TVP23A: variants seen among roughly 807,000 people sequenced by gnomAD.
The protein encoded by TVP23A is Golgi apparatus membrane protein TVP23 homolog A.
TVP23A carries 21 observed loss-of-function variants against 31.7 expected under a neutral mutation model. The observed-to-expected ratio is 0.66, with a 90% CI of 0.47 to 0.95. The LOEUF (loss-of-function observed/expected upper bound fraction) is 0.95, where lower values mean the gene tolerates loss of function less well. Ranked by LOEUF, TVP23A falls within the 40% of genes least tolerant of loss-of-function variation. The pLI, the probability that TVP23A is intolerant of heterozygous loss-of-function variation, is 0.00. For missense variants in TVP23A, 279 were observed against 255.6 expected (o/e 1.09, Z -0.62); for synonymous variants, 104 against 96.0 (o/e 1.08, Z -0.49).
At chr16:10,801,046 G>A (rs905339885) in intron 2 of TVP23A, among the ~76,000 whole-genome samples, 3 of 152,156 alleles carry the variant, frequency 2.0e-5, no homozygotes, top group Admixed American at 1.3e-4. Context: ...ACAAAAGGAT[G>A]TCCCAGATCC....
chr16:10,765,327 T>TAA (rs533208449), downstream of TVP23A, among the ~76,000 whole-genome samples: 4,744 of 111,136 alleles, frequency 0.043, 146 homozygotes, highest in Middle Eastern at 0.091. The surrounding 1 kb of genome is among the most constrained non-coding windows in gnomAD (Gnocchi z 4.0). Context: ...CCTCATCTCT[T>TAA]AAAAAAAAAA....
At chr16:10,797,960 T>TC (rs1567304590) in intron 2 of TVP23A, among the ~76,000 whole-genome samples, 2 of 146,252 alleles carry the variant, frequency 1.4e-5, no homozygotes, top group East Asian at 2.0e-4. Flanking sequence ...TTTTTCTTTT[T>TC]TTTTTTTTTT....
chr16:10,795,577 T>C (rs2033343915), intron 2 of TVP23A, among the ~76,000 whole-genome samples: 1 of 152,074 alleles, frequency 6.6e-6, no homozygotes, highest in African/African-American at 2.4e-5. Context: ...AAAACCCTCA[T>C]TGCTCACCTC....
rs1471218127 is a variant in TVP23A, at chr16:10,775,109, C to G, written c.90-13G>C. ...GGCCAAGGGGTGTCTAGGAAAGGACCCAGAAGGCGCCCTCACTCCAAGAGC... is the reference window on the plus strand; with the variant it reads ...GGCCAAGGGGTGTCTAGGAAAGGACGCAGAAGGCGCCCTCACTCCAAGAGC... On this transcript the variant is annotated splice_polypyrimidine_tract_variant and intron_variant, in intron 2 of 7. Coordinates refer to ENST00000299866, the MANE Select transcript of TVP23A (RefSeq NM_001079512.4). 6.2e-7 allele frequency: 1 copy of G among 1,600,322 alleles called. No homozygotes were observed. The highest frequency in any genetic ancestry group is 1.3e-5 in the African/African-American group (1 of 74,564).
intron 2 of TVP23A, among the ~76,000 whole-genome samples, chr16:10,776,799 T>C (rs746630141): frequency 2.0e-5 from 3 of 152,148 alleles, no homozygotes; most frequent in Non-Finnish European, 4.4e-5. Flanking sequence ...AAGGGGTGGA[T>C]TATTCATGCC....
downstream of TVP23A, chr16:10,758,071 C>T (rs756485560): frequency 1.9e-6 from 3 of 1,593,232 alleles, no homozygotes; most frequent in Non-Finnish European, 2.6e-6. Context: ...CTGTGCTCCA[C>T]ACTGTGAGAT....
intron 2 of TVP23A, chr16:10,800,420 T>C (rs2033640689): frequency 6.6e-6 from 1 of 152,222 alleles, no homozygotes; most frequent in Non-Finnish European, 1.5e-5. Flanking sequence ...AGGGTGTGTC[T>C]ACTAATGGTT....
Position 10,767,093 on chromosome 16 carries a change from C to G in TVP23A, c.*2009G>C, listed in dbSNP as rs1017554427. On this transcript the variant is annotated 3_prime_UTR_variant, in exon 8 of 8. Coordinates refer to ENST00000299866, the MANE Select transcript of TVP23A (RefSeq NM_001079512.4). This position sits in a 1 kb window ranked among gnomAD's most constrained non-coding sequence, Gnocchi z 4.6. ...GGTAGGAACCCCTCCTGGGGTTCAC[C>G]TGAGGCTGGTGACCGGCCATGGGCA... 5.0e-6 allele frequency: 2 copies of G among 398,652 alleles called. No individual in the cohort carries two copies. The highest frequency in any genetic ancestry group is 4.4e-5 in the Admixed American group (1 of 22,724). The allele number at this position is 398,652 out of a possible 1,614,324, so 24.7% of individuals were successfully genotyped here.
Position 10,818,590 on chromosome 16 carries a change from G to T in TVP23A, c.-97C>A. The T allele has an allele frequency of 2.1e-6, 3 of 1,459,702 alleles. No individual in the cohort carries two copies. The highest frequency in any genetic ancestry group is 2.7e-6 in the Non-Finnish European group (3 of 1,093,896). The allele number at this position is 1,459,702 out of a possible 1,614,324, so 90.4% of individuals were successfully genotyped here. On this transcript the variant is annotated 5_prime_UTR_variant, in exon 1 of 8. It adds an upstream start codon to the 5' untranslated region. Transcript: ENST00000299866. The surrounding 1 kb of genome is among the most constrained non-coding windows in gnomAD (Gnocchi z 4.7). The stretch of plus-strand genomic sequence containing the variant: ...GACGCCGGGCGGGCGGATGTAGGCA[G>T]CAGACGGTGGACGCTGAGGGTCGGG...
Position 10,771,912 on chromosome 16 carries a change from G to C in TVP23A, c.454-114C>G, listed in dbSNP as rs1053311079. 25 of 1,376,262 alleles carry C rather than the reference G, an allele frequency of 1.8e-5. No homozygotes were observed. The Admixed American group carries it at 5.2e-4, about 29-fold the overall frequency. 85.3% of individuals were successfully genotyped at this position (1,376,262 alleles called of 1,614,324 possible). ...CAGCTCACTGCAAGTTCCGCCTCCC[G>C]GGTTCACACCATTCTCCTGCCTCAG... On this transcript the variant is annotated intron_variant, in intron 5 of 7. Coordinates refer to ENST00000299866, the MANE Select transcript of TVP23A (RefSeq NM_001079512.4).
intron 2 of TVP23A, among the ~76,000 whole-genome samples, chr16:10,793,090 A>T (rs1209073232): frequency 1.3e-5 from 2 of 152,126 alleles, no homozygotes; most frequent in African/African-American, 4.8e-5. Context: ...GGAGTTAAAG[A>T]CCAACCTGGG....
intron 6 of TVP23A, among the ~76,000 whole-genome samples, 174 bp downstream of exon 6, chr16:10,771,496 T>C (rs932399957): frequency 1.3e-5 from 2 of 152,102 alleles, no homozygotes; most frequent in African/African-American, 4.8e-5. Flanking sequence ...GATCACACCA[T>C]TGCACTCTAG....
downstream of TVP23A, chr16:10,766,020 G>T (rs1172083088): frequency 6.6e-6 from 1 of 152,398 alleles, no homozygotes; most frequent in African/African-American, 2.4e-5. The surrounding 1 kb of genome is among the most constrained non-coding windows in gnomAD (Gnocchi z 4.8). Flanking sequence ...ACTGGGGACA[G>T]AGTGGGGGAA....
At chr16:10,796,196 T>C (rs960977354) in intron 2 of TVP23A, among the ~76,000 whole-genome samples, 12 of 151,558 alleles carry the variant, frequency 7.9e-5, no homozygotes, top group African/African-American at 2.9e-4. Flanking sequence ...AAAATAATAA[T>C]ATAAAAAGTA....
intron 2 of TVP23A, among the ~76,000 whole-genome samples, chr16:10,781,948 G>A (rs1397436568): frequency 7.8e-6 from 1 of 128,338 alleles, no homozygotes; most frequent in Admixed American, 9.4e-5. Flanking sequence ...TGCAGCCTCC[G>A]CCTCCCGGGT....
intron 6 of TVP23A, 108 bp from the exon 7 acceptor site, chr16:10,770,439 T>C (rs907395616): frequency 1.2e-5 from 15 of 1,255,944 alleles, no homozygotes; most frequent in South Asian, 7.3e-5. Flanking sequence ...ACCTGCGGAA[T>C]TGGTTGCTTG....
At chr16:10,802,650 A>G in intron 2 of TVP23A, among the ~76,000 whole-genome samples, 1 of 152,142 alleles carries the variant, frequency 6.6e-6, no homozygotes, top group Non-Finnish European at 1.5e-5. Context: ...CGTAAGTCTG[A>G]TATTATTTCA....
rs751478261 is a variant in TVP23A, at chr16:10,774,004, C to G, written c.324+35G>C. ...CAGAAACTTTCCACACCCATTATCC[C>G]CGCTCTGGTTAGTTCAGCTCGTCAT... On this transcript the variant is annotated intron_variant, in intron 4 of 7. Coordinates refer to ENST00000299866, the MANE Select transcript of TVP23A (RefSeq NM_001079512.4). 5.2e-6 allele frequency: 8 copies of G among 1,543,512 alleles called. No homozygotes were observed. The South Asian group carries it at 9.3e-5, about 18-fold the overall frequency.
Position 10,768,197 on chromosome 16 carries a change from G to T in TVP23A, c.*905C>A. 1 of 536,212 alleles carries T rather than the reference G, an allele frequency of 1.9e-6. No individual in the cohort carries two copies. The allele number at this position is 536,212 out of a possible 1,614,324, so 33.2% of individuals were successfully genotyped here. Reference sequence around the variant, plus strand: ...GTCCATGAGAAATCTCTCAATGTGTGAGTATTGTGAATTAATTCATAGTTT... The same window carrying T: ...GTCCATGAGAAATCTCTCAATGTGTTAGTATTGTGAATTAATTCATAGTTT... On this transcript the variant is annotated 3_prime_UTR_variant, in exon 8 of 8. Transcript: ENST00000299866. The surrounding 1 kb of genome is among the most constrained non-coding windows in gnomAD (Gnocchi z 4.3).
Sources: allele counts gnomAD v4.1 joint callset (sites outside exome capture counted in the v4.1 genomes callset), GRCh38; gene constraint gnomAD v4.1.1; non-coding constraint Gnocchi (gnomAD v3.1); transcripts MANE v1.5; gene names NCBI Gene and HGNC (gene_info 2026-07-23, HGNC 2026-07-21).